Variants in ARHGEF28 observed in about 807,000 individuals in gnomAD.
ARHGEF28 encodes Rho guanine nucleotide exchange factor 28, also known as 190 kDa guanine nucleotide exchange factor.
Under a neutral mutation model 206.6 loss-of-function variants are expected in ARHGEF28, and 152 were observed. The observed-to-expected ratio is 0.74, with a 90% CI of 0.64 to 0.84. ARHGEF28 has a LOEUF of 0.84. ARHGEF28 is among the 40% of genes least tolerant of loss of function. ARHGEF28 has a pLI of 0.00. For synonymous variants in ARHGEF28, 763 were observed against 776.4 expected, an observed-to-expected ratio of 0.98 and a Z score of 0.29; for missense variants, 2,028 against 2,073.2, an observed-to-expected ratio of 0.98 and a Z score of 0.42.
intron 2 of ARHGEF28, among the ~76,000 whole-genome samples, chr5:73,713,629 C>T (rs1749388858): frequency 1.3e-5 from 2 of 152,100 alleles, no homozygotes; most frequent in South Asian, 4.1e-4. Flanking sequence ...AGTCTGGAAA[C>T]ACAGAAACAT....
intron 1 of ARHGEF28, among the ~76,000 whole-genome samples, chr5:73,683,883 T>C (rs1232454841): frequency 6.6e-6 from 1 of 152,222 alleles, no homozygotes; most frequent in Non-Finnish European, 1.5e-5. Context: ...TTCTTGGCTT[T>C]CTGAAATATT....
chr5:73,849,889 C>G (rs1282439335), intron 13 of ARHGEF28, among the ~76,000 whole-genome samples: 1 of 151,774 alleles, frequency 6.6e-6, no homozygotes, highest in African/African-American at 2.4e-5. Flanking sequence ...TAATACATAG[C>G]ATTATAATGA....
intron 26 of ARHGEF28, among the ~76,000 whole-genome samples, chr5:73,889,925 A>G (rs1182643103): frequency 7.2e-5 from 11 of 152,246 alleles, no homozygotes; most frequent in African/African-American, 2.7e-4. Flanking sequence ...CCAGAAATGT[A>G]AAGTTTTTAA....
At chr5:73,896,557 C>T (rs565632514) in intron 29 of ARHGEF28, among the ~76,000 whole-genome samples, 2 of 152,226 alleles carry the variant, frequency 1.3e-5, no homozygotes, top group East Asian at 3.9e-4. Flanking sequence ...GCCTGGAGAC[C>T]TGTTAGGATG....
chr5:73,831,322 G>C (rs1233812603), intron 9 of ARHGEF28, among the ~76,000 whole-genome samples: 1 of 152,134 alleles, frequency 6.6e-6, no homozygotes, highest in Admixed American at 6.5e-5. Context: ...AAGACACAAG[G>C]CGTTCTAGCT....
chr5:73,727,486 T>G (rs1300746873), intron 2 of ARHGEF28, among the ~76,000 whole-genome samples: 1 of 152,178 alleles, frequency 6.6e-6, no homozygotes, highest in African/African-American at 2.4e-5. Flanking sequence ...CTTAAGCTCT[T>G]CTAATGGTGA....
intron 1 of ARHGEF28, 41 bp from the exon 2 acceptor site, chr5:73,684,800 C>T (rs534930574): frequency 5.7e-6 from 9 of 1,584,064 alleles, no homozygotes; most frequent in Non-Finnish European, 7.8e-6. Context: ...TTCCATGGGG[C>T]CTCCTGCAAT....
At chr5:73,868,286 A>C in intron 20 of ARHGEF28, 59 bp downstream of exon 20, 1 of 1,507,342 alleles carries the variant, frequency 6.6e-7, no homozygotes, top group South Asian at 1.3e-5. Context: ...CCAAAATGAC[A>C]CTGTCTGAAG....
In ARHGEF28 at chr5:73,904,357, G is replaced by C. The variant is rs759171976; in HGVS notation, c.4114-1G>C. 1 of 1,613,264 alleles carries C rather than the reference G, an allele frequency of 6.2e-7. No individual in the cohort carries two copies. The highest frequency in any genetic ancestry group is 1.1e-5 in the South Asian group (1 of 90,958). ...TTGACACTTACAATTTTGTTTTTCA[G>C]ATTATACAAGCCATACAGAATTTAA... On this transcript the variant is annotated splice_acceptor_variant, in intron 32 of 35. Coordinates refer to ENST00000513042, the MANE Select transcript of ARHGEF28 (RefSeq NM_001177693.2). LOFTEE classifies it high-confidence loss of function.
chr5:73,809,336 A>T (rs1346849085), intron 9 of ARHGEF28, among the ~76,000 whole-genome samples: 1 of 152,272 alleles, frequency 6.6e-6, no homozygotes, highest in African/African-American at 2.4e-5. Flanking sequence ...CTTCACTGTT[A>T]TAATCTCACT....
intron 2 of ARHGEF28, among the ~76,000 whole-genome samples, chr5:73,716,875 A>T (rs1749618953): frequency 1.3e-5 from 2 of 152,094 alleles, no homozygotes; most frequent in Admixed American, 6.6e-5. Context: ...GACTATTATA[A>T]AGTTCATGTT....
intron 10 of ARHGEF28, among the ~76,000 whole-genome samples, chr5:73,833,561 C>T (rs1450902754): frequency 2.0e-5 from 3 of 151,992 alleles, no homozygotes; most frequent in Non-Finnish European, 4.4e-5. Flanking sequence ...GAAGGTCAGT[C>T]CTAGTTATAG....
At chr5:73,716,563 G>C (rs1488107675) in intron 2 of ARHGEF28, among the ~76,000 whole-genome samples, 1 of 152,164 alleles carries the variant, frequency 6.6e-6, no homozygotes, top group Admixed American at 6.5e-5. Flanking sequence ...ATTGTGGGGA[G>C]AGTCTGAGCA....
chr5:73,645,499 C>T (rs1744373115), intron 1 of ARHGEF28, among the ~76,000 whole-genome samples: 6 of 152,068 alleles, frequency 3.9e-5, no homozygotes, highest in Admixed American at 3.9e-4. Flanking sequence ...TAAGAAATTA[C>T]TCACTATGAA....
intron 1 of ARHGEF28, among the ~76,000 whole-genome samples, chr5:73,638,487 C>T (rs1011966314): frequency 1.2e-4 from 19 of 152,260 alleles, no homozygotes; most frequent in African/African-American, 3.9e-4. Flanking sequence ...TGAGGAGAGG[C>T]CTCTAGTCCA....
At chr5:73,746,640 TA>T (rs1436448821) in intron 2 of ARHGEF28, among the ~76,000 whole-genome samples, 1 of 152,130 alleles carries the variant, frequency 6.6e-6, no homozygotes, top group African/African-American at 2.4e-5. Flanking sequence ...TTGAATTAAT[TA>T]GAAATTTAAT....
At chr5:73,656,783 A>G (rs911439763) in intron 1 of ARHGEF28, among the ~76,000 whole-genome samples, 2 of 152,160 alleles carry the variant, frequency 1.3e-5, no homozygotes, top group African/African-American at 2.4e-5. Context: ...GGCCTTGCAT[A>G]ATAGATCCTT....
chr5:73,783,343 A>ATG (rs1190539911), intron 7 of ARHGEF28, among the ~76,000 whole-genome samples: 3 of 112,716 alleles, frequency 2.7e-5, no homozygotes, highest in Non-Finnish European at 3.9e-5. Context: ...GCCCTGGAAT[A>ATG]TAGTGTGTGT....
At chr5:73,636,719 A>G (rs1267982182) in intron 1 of ARHGEF28, among the ~76,000 whole-genome samples, 1 of 152,300 alleles carries the variant, frequency 6.6e-6, no homozygotes, top group East Asian at 1.9e-4. Flanking sequence ...TAGCATTGCC[A>G]CTGATATATA....
Sources: allele counts gnomAD v4.1 joint callset (sites outside exome capture counted in the v4.1 genomes callset), GRCh38; gene constraint gnomAD v4.1.1; transcripts MANE v1.5; gene names NCBI Gene and HGNC (gene_info 2026-07-23, HGNC 2026-07-21).